The following UBXN4 variants were observed in gnomAD, a reference collection of about 807,000 sequenced individuals.
UBXN4 encodes the protein UBX domain protein 4.
In UBXN4, 35 loss-of-function variants were observed where a neutral mutation model predicts 66.2. The observed-to-expected ratio is 0.53, with a 90% confidence interval of 0.40 to 0.70. The LOEUF is 0.70. Ranked by LOEUF, UBXN4 falls within the 30% of genes least tolerant of loss-of-function variation. UBXN4 has a pLI of 0.00. For missense variants in UBXN4, 533 were observed against 599.8 expected (o/e 0.89, Z 1.16); for synonymous variants, 203 against 204.5 (o/e 0.99, Z 0.06).
At chr2:135,772,968 C>T (rs573926028) in intron 9 of UBXN4, among the ~76,000 whole-genome samples, 10 of 138,408 alleles carry the variant, frequency 7.2e-5, no homozygotes, top group African/African-American at 2.7e-4. Flanking sequence ...ACCCGGGAGG[C>T]GGAGCTTGCA....
At chr2:135,778,259 A>G (rs756370750) in intron 10 of UBXN4, among the ~76,000 whole-genome samples, 1 of 151,718 alleles carries the variant, frequency 6.6e-6, no homozygotes, top group Non-Finnish European at 1.5e-5. Flanking sequence ...GTGTATCTTT[A>G]GAACAGTGAG....
At chr2:135,744,339 A>G (rs2077194182) in intron 1 of UBXN4, among the ~76,000 whole-genome samples, 1 of 152,190 alleles carries the variant, frequency 6.6e-6, no homozygotes, top group South Asian at 2.1e-4. Context: ...GGATGAATTA[A>G]AGAATATTGT....
At chr2:135,771,231 C>T (rs1213974409) in intron 8 of UBXN4, among the ~76,000 whole-genome samples, 1 of 152,162 alleles carries the variant, frequency 6.6e-6, no homozygotes, top group Non-Finnish European at 1.5e-5. Flanking sequence ...AATCCCAGCA[C>T]TTTGGGAGGC....
At position 135,772,410 on chromosome 2, in the gene UBXN4, T is replaced by C. The variant is rs1331023047; in HGVS notation, c.823-10T>C. The C allele has an allele frequency of 1.9e-6, 3 of 1,612,666 alleles. No homozygotes were observed. Among genetic ancestry groups the C allele is most frequent in the South Asian group, 1.1e-5 (1 of 91,048 alleles). ...AGTAAAGGTAATTGGTATTTAATGATGTTTTAAAGGACCGTGCAGAGAGAG... is the reference window on the plus strand; with the variant it reads ...AGTAAAGGTAATTGGTATTTAATGACGTTTTAAAGGACCGTGCAGAGAGAG... On this transcript the variant is annotated splice_polypyrimidine_tract_variant and intron_variant, in intron 8 of 12. Transcript: ENST00000272638.
chr2:135,749,271 G>C (rs1291961442), intron 2 of UBXN4, among the ~76,000 whole-genome samples: 1 of 152,180 alleles, frequency 6.6e-6, no homozygotes, highest in African/African-American at 2.4e-5. Flanking sequence ...ATATCTCTGA[G>C]AGGTTGATCA....
rs34841626 is a variant in UBXN4 at position 135,753,017 on chromosome 2, CTTT to C, written c.186-501_186-499del. Among the ~76,000 whole-genome samples, 640 of 60,950 alleles carry C rather than the reference CTTT, an allele frequency of 0.011. 12 individuals carry two copies. The East Asian group carries it at 0.16, about 15-fold the overall frequency. 40.0% of individuals were successfully genotyped at this position (60,950 alleles called of 152,430 possible). A position where few individuals can be genotyped will look rare whatever the true frequency, so the allele number is the denominator to read the frequency against. ...ATACCTGTGAGCTACCACGCCCGGC[CTTT>C]TTTTTTTTTTTTTTTTTTTTGAGAC... On this transcript the variant is annotated intron_variant, in intron 2 of 12. Coordinates refer to ENST00000272638, the MANE Select transcript of UBXN4 (RefSeq NM_014607.4).
chr2:135,747,533 A>T, intron 1 of UBXN4: 1 of 445,032 alleles, frequency 2.2e-6, no homozygotes, highest in Non-Finnish European at 4.5e-6. Flanking sequence ...ACAGAATTGT[A>T]CCTGCCTCTG....
rs761692925 is a variant in UBXN4, at chr2:135,741,923, G to A, written c.-7G>A. 7 of 1,611,118 alleles carry A rather than the reference G, an allele frequency of 4.3e-6. No individual in the cohort carries two copies. In the East Asian group the frequency reaches 6.7e-5, roughly 15 times the overall value. Reference sequence around the variant, plus strand: ...CACCGAGCGAGCGCCTGGGCCCGAAGGGAGCGATGCTGTGGTTCCAGGGCG... The same window carrying A: ...CACCGAGCGAGCGCCTGGGCCCGAAAGGAGCGATGCTGTGGTTCCAGGGCG... On this transcript the variant is annotated 5_prime_UTR_variant, in exon 1 of 13. Transcript: ENST00000272638.
chr2:135,780,197 T>C lies in UBXN4; in HGVS notation c.1200T>C (p.Thr400=). 6.2e-7 allele frequency: 1 copy of C among 1,614,128 alleles called. No individual in the cohort carries two copies. Among genetic ancestry groups the C allele is most frequent in the Non-Finnish European group, 8.5e-7 (1 of 1,180,016 alleles). ...SVVLLPAGRP[T]ASIVHSSSGD... ...TTAATTTCTAGGCAGGAAGACCAAC[T>C]GCATCCATTGTACACTCTTCCAGCG... is the stretch of plus-strand genomic sequence containing the variant. The change falls in exon 12 of 13, where the codon ACT becomes ACC. Residue 400 remains threonine (T), a synonymous_variant. Coordinates refer to ENST00000272638, the MANE Select transcript of UBXN4 (RefSeq NM_014607.4).
chr2:135,781,224 C>G (rs1004524572), intron 12 of UBXN4, among the ~76,000 whole-genome samples: 2 of 152,122 alleles, frequency 1.3e-5, no homozygotes, highest in African/African-American at 4.8e-5. Context: ...GATCCTGTCT[C>G]AAAACAAAAA....
chr2:135,769,712 G>A, intron 6 of UBXN4, 57 bp from the exon 7 acceptor site: 1 of 1,287,182 alleles, frequency 7.8e-7, no homozygotes, highest in Non-Finnish European at 1.0e-6. Context: ...TCCTAAATGT[G>A]TTTTATATTA....
At chr2:135,755,108 TAATG>T (rs2077271763) in intron 4 of UBXN4, among the ~76,000 whole-genome samples, 1 of 152,348 alleles carries the variant, frequency 6.6e-6, no homozygotes, top group South Asian at 2.1e-4. Context: ...TCTCAACACA[TAATG>T]AATATCACCA....
chr2:135,751,218 G>T (rs912798456), intron 2 of UBXN4, among the ~76,000 whole-genome samples: 4 of 148,540 alleles, frequency 2.7e-5, no homozygotes, highest in African/African-American at 1.0e-4. Flanking sequence ...ACGGAGTCTC[G>T]CTCTGTAGCC....
chr2:135,772,383 G>T, intron 8 of UBXN4, 37 bp from the exon 9 acceptor site: 1 of 1,600,420 alleles, frequency 6.2e-7, no homozygotes, highest in Non-Finnish European at 8.5e-7. Flanking sequence ...AACCATTCTG[G>T]CAGTAAAGGT....
chr2:135,757,013 C>G (rs1002256318), intron 5 of UBXN4, among the ~76,000 whole-genome samples: 11 of 152,086 alleles, frequency 7.2e-5, no homozygotes, highest in African/African-American at 1.7e-4. Flanking sequence ...AGCAATTTGA[C>G]TGTGATATGC....
chr2:135,765,401 G>C (rs1414049230), intron 6 of UBXN4, among the ~76,000 whole-genome samples: 1 of 151,706 alleles, frequency 6.6e-6, no homozygotes, highest in Non-Finnish European at 1.5e-5. Context: ...GTAGAGGCAG[G>C]GGTTTCACCA....
At chr2:135,753,017 C>CTTT (rs34841626) in intron 2 of UBXN4, among the ~76,000 whole-genome samples, 3 of 60,946 alleles carry the variant, frequency 4.9e-5, no homozygotes, top group East Asian at 4.8e-4. Flanking sequence ...CACGCCCGGC[C>CTTT]TTTTTTTTTT....
chr2:135,748,491 A>G, intron 2 of UBXN4, 122 bp downstream of exon 2: 2 of 635,712 alleles, frequency 3.1e-6, no homozygotes, highest in South Asian at 7.2e-5. Flanking sequence ...GCACTTTGGG[A>G]GACTGAGGTG....
chr2:135,757,425 A>G (rs1253735929), intron 5 of UBXN4, among the ~76,000 whole-genome samples: 4 of 152,186 alleles, frequency 2.6e-5, no homozygotes, highest in African/African-American at 9.6e-5. Context: ...AGTACTCTTC[A>G]TCTACGTTTT....
Sources: allele counts gnomAD v4.1 joint callset (sites outside exome capture counted in the v4.1 genomes callset), GRCh38; gene constraint gnomAD v4.1.1; transcripts MANE v1.5; gene names NCBI Gene and HGNC (gene_info 2026-07-23, HGNC 2026-07-21).